The following DENND5B variants were observed in gnomAD, a reference collection of about 807,000 sequenced individuals.
The protein encoded by DENND5B is DENN domain containing 5B, also known as DENN domain-containing protein 5B.
In DENND5B, 34 loss-of-function variants were observed where a neutral mutation model predicts 140.6. The observed-to-expected ratio is 0.24, with a 90% CI of 0.18 to 0.32. DENND5B has a LOEUF of 0.32. Ranked by LOEUF, DENND5B falls within the 10% of genes least tolerant of loss-of-function variation. DENND5B has a pLI of 1.00. For synonymous variants in DENND5B, 551 were observed against 562.1 expected (o/e 0.98, Z 0.28); for missense variants, 1,142 against 1,560.2 (o/e 0.73, Z 4.52).
At chr12:31,482,974 T>G (rs1946127795) in intron 2 of DENND5B, among the ~76,000 whole-genome samples, 1 of 152,198 alleles carries the variant, frequency 6.6e-6, no homozygotes, top group African/African-American at 2.4e-5. Context: ...CTCTCTGCCC[T>G]CATCTTATAC....
intron 2 of DENND5B, among the ~76,000 whole-genome samples, chr12:31,489,583 C>T (rs1238629330): frequency 1.3e-5 from 2 of 152,180 alleles, no homozygotes; most frequent in Admixed American, 6.5e-5. Flanking sequence ...AAGCAAGTAT[C>T]ACTTCATTTA....
Position 31,402,648 on chromosome 12 carries a change from A to G in DENND5B, c.2804-5T>C. 6.3e-7 allele frequency: 1 copy of G among 1,588,490 alleles called. No individual in the cohort carries two copies. The highest frequency in any genetic ancestry group is 8.6e-7 in the Non-Finnish European group (1 of 1,168,588). On this transcript the variant is annotated splice_polypyrimidine_tract_variant and splice_region_variant and intron_variant, in intron 14 of 20. Coordinates refer to ENST00000389082, the MANE Select transcript of DENND5B (RefSeq NM_144973.4). ...TCACTGACCTATACGGAATCACTGA[A>G]AGAAAAATGCAGAAATTAATTAAAA...
In DENND5B at chr12:31,590,919, T is replaced by C. The variant is rs2139566753; in HGVS notation, c.-87A>G. ...TGCCACCACCGCTCCGGCTGTGGTC[T>C]GTGCGCCCGCCCTAGGGCGACACTG... On this transcript the variant is annotated 5_prime_UTR_variant, in exon 1 of 21. Coordinates refer to ENST00000389082, the MANE Select transcript of DENND5B (RefSeq NM_144973.4). 1.7e-6 allele frequency: 2 copies of C among 1,144,238 alleles called. No homozygotes were observed. Among genetic ancestry groups the C allele is most frequent in the South Asian group, 8.5e-5 (2 of 23,626 alleles). The allele number at this position is 1,144,238 out of a possible 1,614,324, so 70.9% of individuals were successfully genotyped here. A position where few individuals can be genotyped will look rare whatever the true frequency, so the allele number is the denominator to read the frequency against.
intron 11 of DENND5B, among the ~76,000 whole-genome samples, chr12:31,417,059 GAAA>G (rs538506643): frequency 1.0e-5 from 1 of 97,078 alleles, no homozygotes; most frequent in Non-Finnish European, 2.0e-5. Context: ...GACTGTCTCT[GAAA>G]AAAAAAAAAA....
intron 1 of DENND5B, among the ~76,000 whole-genome samples, chr12:31,502,218 G>C (rs1428243857): frequency 6.6e-6 from 1 of 152,008 alleles, no homozygotes; most frequent in Admixed American, 6.6e-5. Context: ...GGGAGGCTGA[G>C]GCAGAAGAAT....
At chr12:31,425,260 T>C (rs1200192376) in intron 9 of DENND5B, among the ~76,000 whole-genome samples, 1 of 152,144 alleles carries the variant, frequency 6.6e-6, no homozygotes, top group Non-Finnish European at 1.5e-5. Context: ...TGCAGTGAGC[T>C]GAGATCACAT....
rs190892226 is a variant in DENND5B at position 31,446,234 on chromosome 12, C to T, written c.1861+1304G>A. On this transcript the variant is annotated intron_variant, in intron 6 of 20. Coordinates refer to ENST00000389082, the MANE Select transcript of DENND5B (RefSeq NM_144973.4). Reference sequence around the variant, plus strand: ...TGCCACATTGGCTCACTGCAACCTCCGCCTCCCGGGTTCAAGTGATTCTTC... The same window carrying T: ...TGCCACATTGGCTCACTGCAACCTCTGCCTCCCGGGTTCAAGTGATTCTTC... 2.5e-4 allele frequency among the ~76,000 whole-genome samples: 38 copies of T among 152,034 alleles called. No individual in the cohort carries two copies. The Middle Eastern group carries it at 0.014, about 55-fold the overall frequency.
At chr12:31,400,142 A>G (rs964277904) in intron 15 of DENND5B, among the ~76,000 whole-genome samples, 2 of 152,218 alleles carry the variant, frequency 1.3e-5, no homozygotes, top group Non-Finnish European at 2.9e-5. Flanking sequence ...AAAACAGGAA[A>G]AAGATGCTAT....
intron 1 of DENND5B, among the ~76,000 whole-genome samples, chr12:31,569,137 G>C (rs1949729704): frequency 6.9e-6 from 1 of 144,696 alleles, no homozygotes; most frequent in African/African-American, 2.6e-5. Flanking sequence ...TGAAATCTAG[G>C]CTCAATGAAA....
At chr12:31,527,240 A>T (rs1311898043) in intron 1 of DENND5B, among the ~76,000 whole-genome samples, 1 of 152,222 alleles carries the variant, frequency 6.6e-6, no homozygotes, top group Non-Finnish European at 1.5e-5. Flanking sequence ...GAGGTGAGAC[A>T]GTGAGCCAAA....
intron 5 of DENND5B, among the ~76,000 whole-genome samples, chr12:31,448,371 A>G (rs1176750191): frequency 6.6e-6 from 1 of 151,676 alleles, no homozygotes; most frequent in Non-Finnish European, 1.5e-5. Context: ...TCCTGACCTC[A>G]TGCTCCGCCC....
At chr12:31,454,689 T>C (rs975367682) in intron 4 of DENND5B, among the ~76,000 whole-genome samples, 3 of 152,032 alleles carry the variant, frequency 2.0e-5, no homozygotes, top group Non-Finnish European at 4.4e-5. Context: ...GTAATCCACC[T>C]GCCTCAGCCT....
intron 2 of DENND5B, among the ~76,000 whole-genome samples, chr12:31,483,925 C>T (rs370494759): frequency 2.8e-5 from 4 of 145,058 alleles, no homozygotes; most frequent in East Asian, 2.0e-4. Context: ...AGTGCGGTGG[C>T]GCAATCTTGG....
intron 13 of DENND5B, among the ~76,000 whole-genome samples, chr12:31,412,934 T>G (rs1390553331): frequency 6.6e-6 from 1 of 152,172 alleles, no homozygotes; most frequent in Non-Finnish European, 1.5e-5. Flanking sequence ...TCCGGCCTTT[T>G]TTTTTTGAGA....
chr12:31,400,887 G>A (rs998839176), intron 15 of DENND5B, among the ~76,000 whole-genome samples: 1 of 144,236 alleles, frequency 6.9e-6, no homozygotes, highest in African/African-American at 2.6e-5. Context: ...TCGTTGCCCA[G>A]GCTGGAGTGC....
At chr12:31,576,564 TG>T (rs1950025921) in intron 1 of DENND5B, among the ~76,000 whole-genome samples, 1 of 151,888 alleles carries the variant, frequency 6.6e-6, no homozygotes, top group African/African-American at 2.4e-5. Context: ...TGAAGGTAAA[TG>T]GAAGATTCAG....
intron 3 of DENND5B, among the ~76,000 whole-genome samples, chr12:31,475,922 G>A (rs913751967): frequency 2.6e-5 from 4 of 152,150 alleles, no homozygotes; most frequent in Admixed American, 6.5e-5. Flanking sequence ...TCAGGAGTTC[G>A]AGACCAGCCT....
rs1053891552 is a variant in DENND5B, at chr12:31,525,184, T to G, written c.128-29265A>C. Among the ~76,000 whole-genome samples the G allele has an allele frequency of 2.0e-5, 3 of 152,184 alleles. No homozygotes were observed. The East Asian group carries it at 5.8e-4, about 29-fold the overall frequency. On this transcript the variant is annotated intron_variant, in intron 1 of 20. Coordinates refer to ENST00000389082, the MANE Select transcript of DENND5B (RefSeq NM_144973.4). The stretch of plus-strand genomic sequence containing the variant: ...AAAGTCTGCTAATTCTTCAAGTGGT[T>G]AAACATAGTATATACCCAACATTAA...
chr12:31,532,484 A>C (rs1781513864), intron 1 of DENND5B, among the ~76,000 whole-genome samples: 2 of 152,138 alleles, frequency 1.3e-5, no homozygotes, highest in Non-Finnish European at 2.9e-5. Flanking sequence ...GAGGGGGAAA[A>C]ATTCTCATTC....
Sources: allele counts gnomAD v4.1 joint callset (sites outside exome capture counted in the v4.1 genomes callset), GRCh38; gene constraint gnomAD v4.1.1; transcripts MANE v1.5; gene names NCBI Gene and HGNC (gene_info 2026-07-23, HGNC 2026-07-21).